Variants in YTHDF3 observed in about 807,000 individuals in gnomAD.
YTHDF3 encodes the protein YTH domain-containing family protein 3.
A neutral mutation model predicts 52.5 loss-of-function variants in YTHDF3; 9 were observed. That is an observed-to-expected ratio of 0.17 (90% CI 0.10 to 0.30). The LOEUF (loss-of-function observed/expected upper bound fraction) is 0.30, where lower values mean the gene tolerates loss of function less well. YTHDF3 is among the 10% of genes least tolerant of loss of function. The probability of loss-of-function intolerance (pLI) is 1.00; values close to 1 mark genes in which losing one functional copy is unlikely to be tolerated. For missense variants in YTHDF3, 534 were observed against 715.0 expected, an observed-to-expected ratio of 0.75 and a Z score of 2.89; for synonymous variants, 274 against 243.3, an observed-to-expected ratio of 1.13 and a Z score of -1.18.
chr8:63,196,176 C>T (rs1809224881), intron 4 of YTHDF3, among the ~76,000 whole-genome samples: 3 of 151,542 alleles, frequency 2.0e-5, no homozygotes, highest in Non-Finnish European at 1.5e-5. Flanking sequence ...TGGAGTACTG[C>T]TTGATCCTGG....
chr8:63,180,866 C>T (rs951641554), intron 3 of YTHDF3, among the ~76,000 whole-genome samples: 1 of 152,096 alleles, frequency 6.6e-6, no homozygotes, highest in Non-Finnish European at 1.5e-5. Context: ...CGCAGGCACT[C>T]GGCAGGCTGA....
chr8:63,197,953 C>G (rs181987640), intron 4 of YTHDF3, among the ~76,000 whole-genome samples: 4 of 152,216 alleles, frequency 2.6e-5, no homozygotes, highest in Admixed American at 2.6e-4. Flanking sequence ...TGTAAATCTT[C>G]ATTAGTCAGG....
rs1810367473 is a variant in YTHDF3 at position 63,211,485 on chromosome 8, A to G, written c.*1779A>G. On this transcript the variant is annotated 3_prime_UTR_variant, in exon 5 of 5. Coordinates refer to ENST00000539294, the MANE Select transcript of YTHDF3 (RefSeq NM_152758.6). ...CACCACAGCAATGTTCTACATCCCT[A>G]AGATTATCTAGGTAGGACATGTCAA... The G allele has an allele frequency of 6.6e-6, 1 of 152,570 alleles. No individual in the cohort carries two copies. The highest frequency in any genetic ancestry group is 2.1e-4 in the South Asian group (1 of 4,834). 9.5% of individuals were successfully genotyped at this position (152,570 alleles called of 1,614,324 possible). A position where few individuals can be genotyped will look rare whatever the true frequency, so the allele number is the denominator to read the frequency against.
At chr8:63,169,179 G>A in intron 1 of YTHDF3, 5 of 1,383,034 alleles carry the variant, frequency 3.6e-6, no homozygotes, top group Non-Finnish European at 3.8e-6. Context: ...GAGACCGGGC[G>A]AGCTCTGGGA....
At chr8:63,198,073 A>G (rs1470487709) in intron 4 of YTHDF3, among the ~76,000 whole-genome samples, 2 of 152,182 alleles carry the variant, frequency 1.3e-5, no homozygotes, top group African/African-American at 2.4e-5. Context: ...AAATCATGGC[A>G]TTACCTGTTC....
At chr8:63,183,259 C>T (rs1226576689) in intron 3 of YTHDF3, among the ~76,000 whole-genome samples, 1 of 152,116 alleles carries the variant, frequency 6.6e-6, no homozygotes, top group African/African-American at 2.4e-5. Context: ...CGGTGTCCAG[C>T]CCAGTTTTAT....
At position 63,168,685 on chromosome 8, in the gene YTHDF3, C is replaced by G; in HGVS notation, c.-193C>G. The G allele has an allele frequency of 1.0e-6, 1 of 990,916 alleles. No individual in the cohort carries two copies. Among genetic ancestry groups the G allele is most frequent in the South Asian group, 1.5e-5 (1 of 66,072 alleles). 61.4% of individuals were successfully genotyped at this position (990,916 alleles called of 1,614,324 possible). On this transcript the variant is annotated 5_prime_UTR_variant, in exon 1 of 5. Transcript: ENST00000539294. ...CAGAGAGCGAGAGGGGGAAGAGGAG[C>G]GTGCAAGCGGAAAAGACGGGCCTCT...
chr8:63,200,133 T>C (rs1046913083), intron 4 of YTHDF3, among the ~76,000 whole-genome samples: 4 of 152,152 alleles, frequency 2.6e-5, no homozygotes, highest in Non-Finnish European at 5.9e-5. Flanking sequence ...GCATCCAAAC[T>C]CACGGTTGTT....
Position 63,187,601 on chromosome 8 carries a change from C to T in YTHDF3, c.1590C>T (p.Thr530=), listed in dbSNP as rs775809556. The T allele has an allele frequency of 2.2e-5, 36 of 1,613,114 alleles. 1 individual carries two copies. The South Asian group carries it at 4.0e-4, about 18-fold the overall frequency. The change falls in exon 4 of 5, where the codon ACC becomes ACT. Residue 530 remains threonine (T), a synonymous_variant. Coordinates refer to ENST00000539294, the MANE Select transcript of YTHDF3 (RefSeq NM_152758.6). ...RLENNDNKPV[T]NSRDTQEVPL... ...AAAATAATGACAACAAACCGGTTAC[C>T]AATTCAAGGGACACTCAAGAGGTAC...
chr8:63,197,788 A>AT (rs1246447782), intron 4 of YTHDF3, among the ~76,000 whole-genome samples: 2 of 152,230 alleles, frequency 1.3e-5, no homozygotes, highest in Non-Finnish European at 2.9e-5. Flanking sequence ...AAAAGAACTA[A>AT]TAAAAATCCT....
intron 4 of YTHDF3, among the ~76,000 whole-genome samples, chr8:63,196,694 T>A (rs1252773905): frequency 6.6e-6 from 1 of 152,200 alleles, no homozygotes; most frequent in African/African-American, 2.4e-5. Context: ...TACTCAAATT[T>A]AAAATCTTAT....
intron 3 of YTHDF3, among the ~76,000 whole-genome samples, chr8:63,182,724 T>C (rs978309369): frequency 7.2e-5 from 11 of 152,186 alleles, no homozygotes; most frequent in African/African-American, 2.2e-4. Context: ...TGGAAACCAG[T>C]TACCTTCATA....
Position 63,209,690 on chromosome 8 carries a change from A to T in YTHDF3, c.1742A>T (p.Asn581Ile). The change falls in exon 5 of 5, where the codon AAT becomes ATT. Residue 581 changes from asparagine to isoleucine, a missense_variant. By Grantham distance (149) the Asn-to-Ile change is moderately radical. Around this residue, in one of 3 missense-constraint regions of YTHDF3, gnomAD observed 135 missense variants for 214.2 expected, o/e 0.63. Transcript: ENST00000539294. ...EEEEAMRRER[N>I]RNKQ Reference sequence around the variant, plus strand: ...GTGTTTTTTTTTTTTCAGGAGAGAAATAGAAACAAACAATAACCGTATGAA... The same window carrying T: ...GTGTTTTTTTTTTTTCAGGAGAGAATTAGAAACAAACAATAACCGTATGAA... The T allele has an allele frequency of 6.4e-7, 1 of 1,574,106 alleles. No individual in the cohort carries two copies. The highest frequency in any genetic ancestry group is 1.2e-5 in the South Asian group (1 of 84,586).
At chr8:63,200,743 A>G (rs780786698) in intron 4 of YTHDF3, among the ~76,000 whole-genome samples, 41 of 152,164 alleles carry the variant, frequency 2.7e-4, no homozygotes, top group Non-Finnish European at 5.7e-4. Context: ...AGCCTTATTC[A>G]ATTTAAAACA....
At chr8:63,189,101 G>C (rs1197020775) in intron 4 of YTHDF3, 1 of 152,170 alleles carries the variant, frequency 6.6e-6, no homozygotes, top group African/African-American at 2.4e-5. Flanking sequence ...TGCAGAATTT[G>C]ATTCCTAATT....
chr8:63,170,544 AT>A (rs928413975), intron 2 of YTHDF3, among the ~76,000 whole-genome samples: 2 of 151,912 alleles, frequency 1.3e-5, no homozygotes, highest in Non-Finnish European at 1.5e-5. Context: ...CATTTCTAGA[AT>A]TTTTTTTGTT....
At chr8:63,195,731 C>T (rs1461792498) in intron 4 of YTHDF3, among the ~76,000 whole-genome samples, 4 of 145,360 alleles carry the variant, frequency 2.8e-5, no homozygotes, top group Non-Finnish European at 3.0e-5. Context: ...CATGTATTTA[C>T]GTGTGTGTGT....
intron 3 of YTHDF3, among the ~76,000 whole-genome samples, chr8:63,184,693 G>A (rs954625426): frequency 1.8e-4 from 28 of 152,180 alleles, no homozygotes; most frequent in African/African-American, 5.8e-4. Flanking sequence ...TAGAAGAAAC[G>A]GGTTAAGAAC....
chr8:63,201,681 G>A (rs539518722), intron 4 of YTHDF3, among the ~76,000 whole-genome samples: 2 of 152,234 alleles, frequency 1.3e-5, no homozygotes, highest in East Asian at 1.9e-4. Context: ...TGCATTTGAC[G>A]CGCTTGATAT....
Sources: allele counts gnomAD v4.1 joint callset (sites outside exome capture counted in the v4.1 genomes callset), GRCh38; gene constraint gnomAD v4.1.1; regional missense constraint gnomAD v4.1.1; transcripts MANE v1.5; gene names NCBI Gene and HGNC (gene_info 2026-07-23, HGNC 2026-07-21).